ERI1: variants seen among roughly 807,000 people sequenced by gnomAD.
The protein encoded by ERI1 is exoribonuclease 1, also known as 3'-5' exoribonuclease 1.
A neutral mutation model predicts 39.7 loss-of-function variants in ERI1; 39 were observed. The ratio of observed to expected loss-of-function variants is 0.98; its 90% CI spans 0.76 to 1.28. The LOEUF is 1.28. Among genes scored for constraint, ERI1 ranks in the 50% most tolerant of loss-of-function variants. ERI1 has a pLI of 0.00. For missense variants in ERI1, 581 were observed against 416.9 expected (o/e 1.39, Z -3.43); for synonymous variants, 204 against 149.6 (o/e 1.36, Z -2.65).
At position 9,031,901 on chromosome 8, in the gene ERI1, G is replaced by C. The variant is rs1005079855; in HGVS notation, c.*1867G>C. The stretch of plus-strand genomic sequence containing the variant: ...GCCTCCTGAGTAGCTCAGATTACAG[G>C]CGCGTGCCACCACACCCGCCTAATT... On this transcript the variant is annotated 3_prime_UTR_variant, in exon 7 of 7. Coordinates refer to ENST00000250263, the MANE Select transcript of ERI1 (RefSeq NM_153332.4). The C allele has an allele frequency of 2.6e-5, 4 of 152,212 alleles. No individual in the cohort carries two copies. Among genetic ancestry groups the C allele is most frequent in the Non-Finnish European group, 5.9e-5 (4 of 68,108 alleles). The allele number at this position is 152,212 out of a possible 1,614,324, so 9.4% of individuals were successfully genotyped here.
intron 6 of ERI1, among the ~76,000 whole-genome samples, chr8:9,023,321 C>T (rs560012413): frequency 1.3e-5 from 2 of 152,148 alleles, no homozygotes; most frequent in African/African-American, 4.8e-5. Context: ...TATTTCATGT[C>T]AGTTTATACT....
Position 9,008,091 on chromosome 8 carries a change from A to G in ERI1, c.230A>G (p.Asn77Ser). 1 of 1,612,506 alleles carries G rather than the reference A, an allele frequency of 6.2e-7. No homozygotes were observed. Among genetic ancestry groups the G allele is most frequent in the Non-Finnish European group, 8.5e-7 (1 of 1,179,352 alleles). The change falls in exon 2 of 7, where the codon AAT (asparagine) becomes AGT (serine). Residue 77 changes from asparagine (N) to serine (S), a missense_variant. Asn to Ser is a conservative substitution (Grantham distance 46). Transcript: ENST00000250263. ...ATTGCCATTACGAATGGCTGTATTA[A>G]TAGAATGAGTAAGGAAGAACTCAGA... ...KEIAITNGCI[N>S]RMSKEELRAK...
At chr8:9,036,913 A>C (rs1797863749), downstream of ERI1, among the ~76,000 whole-genome samples, 1 of 152,258 alleles carries the variant, frequency 6.6e-6, no homozygotes, top group East Asian at 1.9e-4. Context: ...CATGATTATC[A>C]CAGTCACATA....
intron 4 of ERI1, among the ~76,000 whole-genome samples, chr8:9,017,217 A>G (rs1246823869): frequency 6.6e-6 from 1 of 150,968 alleles, no homozygotes; most frequent in Non-Finnish European, 1.5e-5. Flanking sequence ...TTTTTTTTTT[A>G]TTTTTAGTAG....
intron 3 of ERI1, among the ~76,000 whole-genome samples, chr8:9,014,700 A>G (rs574134834): frequency 3.3e-5 from 5 of 152,362 alleles, no homozygotes; most frequent in Non-Finnish European, 2.9e-5. Flanking sequence ...TTTTGAAAGA[A>G]TGTCATTTAG....
chr8:9,036,399 C>G (rs1325634370), downstream of ERI1, among the ~76,000 whole-genome samples: 2 of 152,214 alleles, frequency 1.3e-5, no homozygotes, highest in Non-Finnish European at 2.9e-5. Flanking sequence ...ACGTTTGAGG[C>G]AAGATCCTAC....
rs759072144 is a variant in ERI1 at position 9,029,963 on chromosome 8, C to T, written c.979C>T (p.Leu327=). The T allele has an allele frequency of 6.2e-7, 1 of 1,614,146 alleles. No individual in the cohort carries two copies. The highest frequency in any genetic ancestry group is 8.5e-7 in the Non-Finnish European group (1 of 1,180,010). The change falls in exon 7 of 7, where the codon CTA becomes TTA. Residue 327 remains leucine, a synonymous_variant. Coordinates refer to ENST00000250263, the MANE Select transcript of ERI1 (RefSeq NM_153332.4). ...RINEKMHAGQ[L]MSVSSSLPIE... is the part of the protein sequence containing the mutation. ...CAACGAGAAAATGCATGCAGGACAG[C>T]TAATGAGTGTGTCCTCTTCCTTACC...
At chr8:9,025,056 G>A (rs2082210) in intron 6 of ERI1, among the ~76,000 whole-genome samples, 130,444 of 152,050 alleles carry the variant, frequency 0.86, 56,281 homozygotes, top group Non-Finnish European at 0.91. Flanking sequence ...GGGGTAGAGC[G>A]TTAAGTCTGT....
chr8:9,066,101 A>G (rs985574675), intron 3 of ERI1, among the ~76,000 whole-genome samples: 5 of 152,106 alleles, frequency 3.3e-5, no homozygotes, highest in Non-Finnish European at 5.9e-5. Context: ...GTTTGCCACC[A>G]GGGGCTCTAG....
chr8:9,064,909 AGGGGT>A (rs1798826518), intron 3 of ERI1, among the ~76,000 whole-genome samples: 1 of 151,892 alleles, frequency 6.6e-6, no homozygotes, highest in Admixed American at 6.6e-5. Context: ...GAAGGGAGAC[AGGGGT>A]GGGGCTGTTT....
intron 6 of ERI1, among the ~76,000 whole-genome samples, chr8:9,027,650 T>C (rs921266447): frequency 1.3e-5 from 2 of 152,206 alleles, no homozygotes; most frequent in African/African-American, 4.8e-5. Context: ...AAGTTAATTT[T>C]GTTATATGGT....
intron 3 of ERI1, among the ~76,000 whole-genome samples, chr8:9,094,286 A>G (rs1799802989): frequency 6.6e-6 from 1 of 152,214 alleles, no homozygotes; most frequent in Admixed American, 6.5e-5. Context: ...AGCAACCAGG[A>G]GAGTCTCCTC....
At chr8:9,012,661 C>G (rs907805170) in intron 3 of ERI1, among the ~76,000 whole-genome samples, 5 of 152,192 alleles carry the variant, frequency 3.3e-5, no homozygotes, top group African/African-American at 9.6e-5. Flanking sequence ...TTTTACTTCT[C>G]TCTTACTCAA....
chr8:9,077,055 C>A (rs1355017432), intron 3 of ERI1, among the ~76,000 whole-genome samples: 1 of 152,228 alleles, frequency 6.6e-6, no homozygotes, highest in Non-Finnish European at 1.5e-5. Flanking sequence ...CATACGCATG[C>A]CAGTGTTACT....
intron 3 of ERI1, among the ~76,000 whole-genome samples, chr8:9,067,382 A>ATGTGTGTGTGTG (rs10551937): frequency 3.5e-5 from 5 of 144,004 alleles, no homozygotes; most frequent in Non-Finnish European, 4.5e-5. Flanking sequence ...ACCTGTGTGC[A>ATGTGTGTGTGTG]TGTGTGTGTG....
intron 3 of ERI1, among the ~76,000 whole-genome samples, chr8:9,047,606 G>A (rs990881213): frequency 5.9e-5 from 9 of 152,106 alleles, no homozygotes; most frequent in African/African-American, 2.2e-4. Context: ...GGCTGAGGTG[G>A]GAGGATGGCT....
At chr8:9,003,531 C>T (rs983872231) in intron 1 of ERI1, among the ~76,000 whole-genome samples, 4 of 152,166 alleles carry the variant, frequency 2.6e-5, no homozygotes, top group Non-Finnish European at 5.9e-5. Context: ...AAAATCTCAC[C>T]ATATACGCTA....
At chr8:9,052,632 T>C (rs571958698) in intron 3 of ERI1, among the ~76,000 whole-genome samples, 7 of 152,296 alleles carry the variant, frequency 4.6e-5, no homozygotes, top group African/African-American at 1.7e-4. Context: ...TTAAATATGT[T>C]AACTTCAGGA....
chr8:9,041,530 G>A (rs562636763), intron 3 of ERI1, among the ~76,000 whole-genome samples: 3 of 152,234 alleles, frequency 2.0e-5, no homozygotes, highest in African/African-American at 7.2e-5. Context: ...CAGTAACAAG[G>A]AACATTCAAA....
Sources: gnomAD v4.1 joint callset for allele counts (sites outside exome capture counted in the v4.1 genomes callset) on GRCh38, gnomAD v4.1.1 for gene constraint, MANE v1.5 for transcripts, NCBI Gene and HGNC (gene_info 2026-07-23, HGNC 2026-07-21) for gene names.